KCNIP1: variants seen among roughly 807,000 people sequenced by gnomAD.
KCNIP1 encodes A-type potassium channel modulatory protein KCNIP1.
In KCNIP1, 18 loss-of-function variants were observed where a neutral mutation model predicts 33.0. The ratio of observed to expected loss-of-function variants is 0.55; its 90% CI spans 0.38 to 0.81. KCNIP1 has a LOEUF of 0.81. Ranked by LOEUF, KCNIP1 falls within the 30% of genes least tolerant of loss-of-function variation. The pLI is 0.00. For missense variants in KCNIP1, 238 were observed against 271.6 expected, an observed-to-expected ratio of 0.88 and a Z score of 0.87; for synonymous variants, 93 against 98.3, an observed-to-expected ratio of 0.95 and a Z score of 0.32.
chr5:170,443,241 C>G (rs557303609), intron 1 of KCNIP1, among the ~76,000 whole-genome samples: 95 of 151,850 alleles, frequency 6.3e-4, no homozygotes, highest in African/African-American at 2.2e-3. Context: ...TTCCCCACCC[C>G]CCGGCCCTGA....
At chr5:170,507,317 C>A (rs1754758678) in intron 1 of KCNIP1, among the ~76,000 whole-genome samples, 1 of 152,234 alleles carries the variant, frequency 6.6e-6, no homozygotes, top group Non-Finnish European at 1.5e-5. Context: ...TAGTTACCAT[C>A]TTAAAATAGC....
chr5:170,556,585 G>A (rs796425320), intron 1 of KCNIP1, among the ~76,000 whole-genome samples: 136 of 152,248 alleles, frequency 8.9e-4, no homozygotes, highest in African/African-American at 3.2e-3. Flanking sequence ...AACAAGGACA[G>A]GGATGGGGAG....
upstream of KCNIP1, among the ~76,000 whole-genome samples, chr5:170,503,614 C>T (rs1180479706): frequency 4.6e-5 from 7 of 151,874 alleles, no homozygotes; most frequent in African/African-American, 1.5e-4. Context: ...AGACTTTCCC[C>T]CTCCCCATGA....
At chr5:170,503,969 C>G, upstream of KCNIP1, 1 of 854,466 alleles carries the variant, frequency 1.2e-6, no homozygotes, top group Non-Finnish European at 1.4e-6. Flanking sequence ...CCGCCCCGCC[C>G]CTCCGTAGTT....
At chr5:170,637,057 C>T (rs555322787) in intron 1 of KCNIP1, among the ~76,000 whole-genome samples, 16 of 152,236 alleles carry the variant, frequency 1.1e-4, no homozygotes, top group Non-Finnish European at 1.5e-4. Context: ...TGAAAGCATG[C>T]GTGCATTCAA....
chr5:170,657,324 G>A (rs1761311476), intron 1 of KCNIP1, among the ~76,000 whole-genome samples: 1 of 152,078 alleles, frequency 6.6e-6, no homozygotes, highest in Non-Finnish European at 1.5e-5. Flanking sequence ...AATGTGAGCG[G>A]AGGCCCCCAC....
In KCNIP1 at chr5:170,433,788, A is replaced by G. The variant is rs149929081; in HGVS notation, c.88+79824A>G. Among the ~76,000 whole-genome samples the G allele has an allele frequency of 4.7e-3, 716 of 152,300 alleles. 10 individuals carry two copies. The highest frequency in any genetic ancestry group is 0.046 in the South Asian group (220 of 4,822). ...TTCTTCACTGTTTCATTTAACGTTT[A>G]CCGAAACCCTTATTATTTTACAAAT... On this transcript the variant is annotated intron_variant, in intron 1 of 7. Coordinates refer to the KCNIP1 transcript ENST00000377360.
intron 1 of KCNIP1, among the ~76,000 whole-genome samples, chr5:170,429,031 C>G (rs1002224416): frequency 6.6e-6 from 1 of 152,082 alleles, no homozygotes; most frequent in Non-Finnish European, 1.5e-5. Flanking sequence ...GCAGAGGTTG[C>G]GGTGAGCCGA....
chr5:170,475,972 CTT>C (rs35510680), intron 1 of KCNIP1, among the ~76,000 whole-genome samples: 17 of 143,330 alleles, frequency 1.2e-4, no homozygotes, highest in Non-Finnish European at 1.2e-4. Context: ...TTGGTTTAAA[CTT>C]TTTTTTTTTT....
At chr5:170,408,207 T>G (rs1755087473) in intron 1 of KCNIP1, among the ~76,000 whole-genome samples, 1 of 152,156 alleles carries the variant, frequency 6.6e-6, no homozygotes, top group Non-Finnish European at 1.5e-5. Flanking sequence ...AATTGTTAGA[T>G]AAAAGATGGT....
At chr5:170,392,039 G>A (rs1045991413) in intron 1 of KCNIP1, among the ~76,000 whole-genome samples, 14 of 152,160 alleles carry the variant, frequency 9.2e-5, no homozygotes, top group East Asian at 1.9e-4. Context: ...GACACAGCAC[G>A]ATGTTCAAGG....
At chr5:170,638,826 G>A (rs550954936) in intron 1 of KCNIP1, among the ~76,000 whole-genome samples, 2 of 152,166 alleles carry the variant, frequency 1.3e-5, no homozygotes, top group Admixed American at 6.5e-5. Context: ...CTCCTCTCCC[G>A]AATCTCCGGG....
intron 1 of KCNIP1, among the ~76,000 whole-genome samples, chr5:170,361,461 T>G (rs1763511082): frequency 6.6e-6 from 1 of 152,178 alleles, no homozygotes; most frequent in South Asian, 2.1e-4. Flanking sequence ...AAGCTAACCT[T>G]GGTCCCCTCT....
chr5:170,544,551 A>G (rs1485130052), intron 1 of KCNIP1, among the ~76,000 whole-genome samples: 7 of 151,946 alleles, frequency 4.6e-5, no homozygotes, highest in Non-Finnish European at 7.4e-5. Context: ...ACTTACAGAC[A>G]CTGTTGGGTT....
At chr5:170,689,644 T>C (rs1217327097) in intron 1 of KCNIP1, among the ~76,000 whole-genome samples, 3 of 152,158 alleles carry the variant, frequency 2.0e-5, no homozygotes, top group Non-Finnish European at 4.4e-5. Flanking sequence ...ATAGCAGCTA[T>C]AGAGGCAGAG....
chr5:170,704,043 C>CT lies in KCNIP1; in HGVS notation c.62-14707dup, dbSNP rs34515151. ...GCTTTGGGAATTTGGACAGAGAGAG[C>CT]TTTTTTTTGCAGTGGTCTGAGAGAG... On this transcript the variant is annotated intron_variant, in intron 1 of 7. Transcript: ENST00000328939. Among the ~76,000 whole-genome samples, 8 of 136,854 alleles carry CT rather than the reference C, an allele frequency of 5.8e-5. 1 individual carries two copies. The highest frequency in any genetic ancestry group is 1.6e-4 in the Admixed American group (2 of 12,424). 89.8% of individuals were successfully genotyped at this position (136,854 alleles called of 152,430 possible). A position where few individuals can be genotyped will look rare whatever the true frequency, so the allele number is the denominator to read the frequency against.
At chr5:170,500,612 GCAGAGGGCCTGTTATCAT>G (rs1009560047), upstream of KCNIP1, among the ~76,000 whole-genome samples, 4 of 152,186 alleles carry the variant, frequency 2.6e-5, no homozygotes, top group Non-Finnish European at 4.4e-5. Context: ...CAGGAGGCAG[GCAGAGGGCCTGTTATCAT>G]CATCTTTCTC....
intron 1 of KCNIP1, among the ~76,000 whole-genome samples, chr5:170,432,024 C>T (rs1007746463): frequency 7.3e-5 from 11 of 150,654 alleles, no homozygotes; most frequent in Non-Finnish European, 1.2e-4. Context: ...CTCTCTGTGT[C>T]TCTCTCTTTC....
chr5:170,648,911 A>C (rs1760899381), intron 1 of KCNIP1, among the ~76,000 whole-genome samples: 1 of 152,200 alleles, frequency 6.6e-6, no homozygotes, highest in Non-Finnish European at 1.5e-5. Context: ...AGTGAGCCTA[A>C]AACTACTCTA....
Sources: gnomAD v4.1 joint callset for allele counts (sites outside exome capture counted in the v4.1 genomes callset) on GRCh38, gnomAD v4.1.1 for gene constraint, MANE v1.5 for transcripts, NCBI Gene and HGNC (gene_info 2026-07-23, HGNC 2026-07-21) for gene names.